The following MCTP1 variants were observed in gnomAD, a reference collection of about 807,000 sequenced individuals.
The protein encoded by MCTP1 is multiple C2 and transmembrane domain containing 1, also known as multiple C2 and transmembrane domain-containing protein 1.
A neutral mutation model predicts 120.6 loss-of-function variants in MCTP1; 69 were observed. That is an observed-to-expected ratio of 0.57 (90% CI 0.47 to 0.70). The LOEUF is 0.70. MCTP1 is among the 30% of genes least tolerant of loss of function. The pLI is 0.00. For missense variants in MCTP1, 1,203 were observed against 1,248.8 expected (o/e 0.96, Z 0.55); for synonymous variants, 529 against 493.1 (o/e 1.07, Z -0.96).
At chr5:94,979,358 G>A (rs1444543854) in intron 2 of MCTP1, 1 of 152,116 alleles carries the variant, frequency 6.6e-6, no homozygotes, top group Non-Finnish European at 1.5e-5. Context: ...ACCTGACAGA[G>A]AATATCCTTT....
At chr5:95,030,075 G>T (rs1207801532) in intron 1 of MCTP1, among the ~76,000 whole-genome samples, 2 of 152,212 alleles carry the variant, frequency 1.3e-5, no homozygotes, top group African/African-American at 2.4e-5. Context: ...TTTGGTGGTA[G>T]CCCTCAGAGG....
At chr5:94,991,261 G>T (rs916797338) in intron 2 of MCTP1, among the ~76,000 whole-genome samples, 41 of 152,272 alleles carry the variant, frequency 2.7e-4, no homozygotes, top group African/African-American at 9.6e-4. Context: ...TTCTATTTGA[G>T]ATGTGCTATC....
At chr5:95,183,429 A>G (rs1748840998) in intron 1 of MCTP1, among the ~76,000 whole-genome samples, 1 of 151,618 alleles carries the variant, frequency 6.6e-6, no homozygotes, top group Non-Finnish European at 1.5e-5. Flanking sequence ...AAATTTATTA[A>G]TGAGAACATG....
At chr5:95,061,326 T>C (rs1749005452) in intron 1 of MCTP1, among the ~76,000 whole-genome samples, 1 of 150,090 alleles carries the variant, frequency 6.7e-6, no homozygotes, top group African/African-American at 2.4e-5. Context: ...TCCAGAGTCA[T>C]ATTAGTAAAA....
At chr5:95,025,283 G>A (rs933808179) in intron 1 of MCTP1, among the ~76,000 whole-genome samples, 2 of 152,164 alleles carry the variant, frequency 1.3e-5, no homozygotes, top group African/African-American at 4.8e-5. Flanking sequence ...GATCAATTGA[G>A]TTTTGATAGA....
chr5:95,233,735 C>T (rs1269980650), intron 1 of MCTP1, among the ~76,000 whole-genome samples: 1 of 152,158 alleles, frequency 6.6e-6, no homozygotes, highest in Middle Eastern at 3.4e-3. Context: ...TTGAGGGATG[C>T]CACTCAAGTA....
At chr5:94,901,820 GC>G (rs1253278999) in intron 10 of MCTP1, among the ~76,000 whole-genome samples, 5 of 152,114 alleles carry the variant, frequency 3.3e-5, no homozygotes, top group Admixed American at 2.6e-4. Flanking sequence ...CTTGTGATTA[GC>G]ACCCTGGGTG....
At chr5:94,970,661 T>C (rs1215248246) in intron 2 of MCTP1, among the ~76,000 whole-genome samples, 1 of 151,814 alleles carries the variant, frequency 6.6e-6, no homozygotes, top group African/African-American at 2.4e-5. Context: ...GTACTATTAA[T>C]TTTTTTTACC....
At chr5:95,094,027 G>A (rs1451860558) in intron 1 of MCTP1, among the ~76,000 whole-genome samples, 1 of 152,188 alleles carries the variant, frequency 6.6e-6, no homozygotes, top group Non-Finnish European at 1.5e-5. Context: ...AACAAATCTT[G>A]AGCATGGATC....
chr5:94,743,936 G>A (rs1766245634), intron 19 of MCTP1, among the ~76,000 whole-genome samples: 1 of 151,862 alleles, frequency 6.6e-6, no homozygotes, highest in East Asian at 1.9e-4. Flanking sequence ...ACTGTGCCCG[G>A]CCAAAATCCA....
chr5:94,871,251 TC>T, intron 14 of MCTP1, 63 bp downstream of exon 14: 1 of 1,055,966 alleles, frequency 9.5e-7, no homozygotes, highest in Non-Finnish European at 1.5e-6. Context: ...AGTTTTCTTT[TC>T]TTTTTTTTTT....
chr5:94,749,646 C>T (rs539938211), intron 19 of MCTP1, among the ~76,000 whole-genome samples: 1 of 80,438 alleles, frequency 1.2e-5, no homozygotes, highest in Non-Finnish European at 2.1e-5. Context: ...CAGAGCAAGA[C>T]TTCATCTCAA....
intron 10 of MCTP1, among the ~76,000 whole-genome samples, chr5:94,907,380 C>A (rs886784669): frequency 1.3e-5 from 2 of 152,120 alleles, no homozygotes; most frequent in African/African-American, 2.4e-5. Flanking sequence ...CCAGTATAAA[C>A]CACTACTCCA....
Position 94,985,682 on chromosome 5 carries a change from A to G in MCTP1, c.838+31685T>C, listed in dbSNP as rs1487288019. On this transcript the variant is annotated intron_variant, in intron 2 of 22. Transcript: ENST00000515393. ...TTTATACACCAGGCCTTTTGGCTAG[A>G]GTAAAATTTTAAAAGTCTGAAAAGT... is the stretch of plus-strand genomic sequence containing the variant. Among the ~76,000 whole-genome samples the G allele has an allele frequency of 3.3e-5, 5 of 152,234 alleles. No homozygotes were observed. The East Asian group carries it at 9.6e-4, about 29-fold the overall frequency.
intron 1 of MCTP1, among the ~76,000 whole-genome samples, chr5:95,145,545 CTTA>C (rs1455013812): frequency 6.6e-6 from 1 of 151,948 alleles, no homozygotes; most frequent in East Asian, 1.9e-4. Context: ...ATGAATGGCT[CTTA>C]TTATTTTGAG....
intron 1 of MCTP1, among the ~76,000 whole-genome samples, chr5:95,182,819 C>A (rs959391938): frequency 2.6e-5 from 4 of 151,928 alleles, no homozygotes; most frequent in African/African-American, 9.7e-5. Context: ...GTCAGGAGAT[C>A]AAGACCATCC....
intron 9 of MCTP1, among the ~76,000 whole-genome samples, chr5:94,910,124 G>A (rs537815301): frequency 6.9e-6 from 1 of 145,278 alleles, no homozygotes; most frequent in Non-Finnish European, 1.5e-5. Context: ...ATATATGTAT[G>A]TATACATGTA....
intron 1 of MCTP1, among the ~76,000 whole-genome samples, chr5:95,281,254 C>T (rs1022527977): frequency 6.6e-6 from 1 of 152,212 alleles, no homozygotes; most frequent in Non-Finnish European, 1.5e-5. Context: ...GGAAAGATCT[C>T]TGAGATATTC....
At chr5:95,118,741 A>G (rs1757998471) in intron 1 of MCTP1, among the ~76,000 whole-genome samples, 1 of 152,220 alleles carries the variant, frequency 6.6e-6, no homozygotes, top group Admixed American at 6.5e-5. Context: ...TACCTATCCT[A>G]TATCAGCCAA....
Sources: gnomAD v4.1 joint callset for allele counts (sites outside exome capture counted in the v4.1 genomes callset) on GRCh38, gnomAD v4.1.1 for gene constraint, MANE v1.5 for transcripts, NCBI Gene and HGNC (gene_info 2026-07-23, HGNC 2026-07-21) for gene names.